SGSM2: variants seen among roughly 807,000 people sequenced by gnomAD.
SGSM2 encodes the protein small G protein signaling modulator 2, also known as RUN and TBC1 domain containing 1.
SGSM2 carries 89 observed loss-of-function variants against 126.6 expected under a neutral mutation model. That is an observed-to-expected ratio of 0.70 (90% CI 0.59 to 0.84). SGSM2 has a LOEUF of 0.84. Among genes scored for constraint, SGSM2 ranks in the 40% least tolerant of loss-of-function variants. The pLI is 0.00. For synonymous variants in SGSM2, 614 were observed against 574.3 expected, an observed-to-expected ratio of 1.07 and a Z score of -0.99; for missense variants, 1,404 against 1,416.6, an observed-to-expected ratio of 0.99 and a Z score of 0.14.
In SGSM2 at chr17:2,376,152, A is replaced by C. The variant is rs144011285; in HGVS notation, c.2500A>C (p.Thr834Pro). 3.2e-4 allele frequency: 521 copies of C among 1,614,068 alleles called. 1 individual carries two copies. The highest frequency in any genetic ancestry group is 6.9e-4 in the South Asian group (63 of 91,082). ...ACTCTTCCAGATAGAATTACTGGAC[A>C]CTGTGGCCTTAAACCTGCACCGCAT... ...AAAYTIELLD[T>P]VALNLHRIDK... is the part of the protein sequence containing the mutation. Residue 834 changes from threonine (T) to proline (P), a missense_variant, in exon 19 of 24, where the codon ACT (threonine) becomes CCT (proline). Physicochemically the swap from Thr to Pro is conservative, Grantham distance 38. Transcript: ENST00000268989.
Position 2,380,059 on chromosome 17 carries a change from G to A in SGSM2, c.*539G>A. 1.4e-6 allele frequency: 2 copies of A among 1,407,640 alleles called. No individual in the cohort carries two copies. Among genetic ancestry groups the A allele is most frequent in the East Asian group, 2.6e-5 (1 of 37,756 alleles). The allele number at this position is 1,407,640 out of a possible 1,614,324, so 87.2% of individuals were successfully genotyped here. ...GGGTGCGGGAGACCCGGGCACGGGA[G>A]ACCCGGGCCGCCTTCAGGCCGCTCC... On this transcript the variant is annotated 3_prime_UTR_variant, in exon 24 of 24. Coordinates refer to ENST00000268989, the MANE Select transcript of SGSM2 (RefSeq NM_014853.3).
chr17:2,367,320 CGAT>C lies in SGSM2; in HGVS notation c.1344_1346del (p.Asp448del), dbSNP rs773301336. 1.2e-6 allele frequency: 2 copies of C among 1,614,138 alleles called. No homozygotes were observed. Among genetic ancestry groups the C allele is most frequent in the African/African-American group, 2.7e-5 (2 of 75,058 alleles). ...CGGCCAGCCGCGCGGCCTCGGTGGACGATGATGAGGAAGAGGAGGATAAACTGC... is the reference window on the plus strand; with the variant it reads ...CGGCCAGCCGCGCGGCCTCGGTGGACGATGAGGAAGAGGAGGATAAACTGC... On this transcript the variant is annotated inframe_deletion, in exon 12 of 24. Transcript: ENST00000268989. This position sits in a 1 kb window ranked among gnomAD's most constrained non-coding sequence, Gnocchi z 4.0.
At chr17:2,338,787 A>ATAT (rs2064208698) in intron 1 of SGSM2, among the ~76,000 whole-genome samples, 1 of 147,742 alleles carries the variant, frequency 6.8e-6, no homozygotes, top group Non-Finnish European at 1.5e-5. Context: ...ATATATATAT[A>ATAT]TAACCTCACG....
Position 2,380,479 on chromosome 17 carries a change from G to C in SGSM2, c.*959G>C. 1 of 658,356 alleles carries C rather than the reference G, an allele frequency of 1.5e-6. No individual in the cohort carries two copies. Among genetic ancestry groups the C allele is most frequent in the Non-Finnish European group, 2.7e-6 (1 of 370,670 alleles). 40.8% of individuals were successfully genotyped at this position (658,356 alleles called of 1,614,324 possible). A position where few individuals can be genotyped will look rare whatever the true frequency, so the allele number is the denominator to read the frequency against. On this transcript the variant is annotated 3_prime_UTR_variant, in exon 24 of 24. Transcript: ENST00000268989. Reference sequence around the variant, plus strand: ...CCTGAGACTGCGGGAGGCAGGGGATGCATGGGTGTCCCCATCTGTCCCTGG... The same window carrying C: ...CCTGAGACTGCGGGAGGCAGGGGATCCATGGGTGTCCCCATCTGTCCCTGG...
rs542328781 is a variant in SGSM2, at chr17:2,349,209, G to A, written c.133+5589G>A. Among the ~76,000 whole-genome samples the A allele has an allele frequency of 2.0e-5, 3 of 152,042 alleles. No homozygotes were observed. In the South Asian group the frequency reaches 6.2e-4, roughly 32 times the overall value. On this transcript the variant is annotated intron_variant, in intron 2 of 23. Transcript: ENST00000268989. ...TGGCCAAAATGGCGAAGCCCCATCTGTACTAAAAATACAAAAATTAGCTGG... is the reference window on the plus strand; with the variant it reads ...TGGCCAAAATGGCGAAGCCCCATCTATACTAAAAATACAAAAATTAGCTGG...
chr17:2,350,073 C>T (rs1388653927), intron 2 of SGSM2, among the ~76,000 whole-genome samples: 1 of 151,982 alleles, frequency 6.6e-6, no homozygotes, highest in Non-Finnish European at 1.5e-5. Flanking sequence ...AGGCGTAAGC[C>T]ACCACGCCTG....
chr17:2,373,708 G>A (rs1567844689), intron 17 of SGSM2, 195 bp downstream of exon 17: 1 of 590,858 alleles, frequency 1.7e-6, no homozygotes, highest in Non-Finnish European at 3.0e-6. Flanking sequence ...GGGTATTGTA[G>A]GAATAAAGTG....
intron 1 of SGSM2, among the ~76,000 whole-genome samples, chr17:2,338,046 G>T (rs989713566): frequency 6.6e-6 from 1 of 152,124 alleles, no homozygotes; most frequent in African/African-American, 2.4e-5. Context: ...GCGATGGCGG[G>T]GATGGCTGGA....
At chr17:2,374,718 G>A (rs2066045654) in intron 17 of SGSM2, 1 of 152,250 alleles carries the variant, frequency 6.6e-6, no homozygotes, top group Admixed American at 6.5e-5. Flanking sequence ...CTGTGCCAGT[G>A]CCCAGCTGCT....
chr17:2,376,060 T>C (rs60647492), intron 18 of SGSM2, 77 bp from the exon 19 acceptor site: 98,725 of 1,599,660 alleles, frequency 0.062, 3,776 homozygotes, highest in South Asian at 0.12. Flanking sequence ...TTGCTGCATT[T>C]CTTGGGGCGT....
rs1014410502 is a variant in SGSM2, at chr17:2,370,176, C to T, written c.1424-1086C>T. 5.3e-5 allele frequency among the ~76,000 whole-genome samples: 8 copies of T among 152,258 alleles called. No individual in the cohort carries two copies. In the South Asian group the frequency reaches 1.7e-3, roughly 31 times the overall value. ...GAGCAAACTGCTGCTGACAGGACTC[C>T]CTCAGCACACACGGCTCTCCATCCC... On this transcript the variant is annotated intron_variant, in intron 12 of 23. Transcript: ENST00000268989.
rs118115101 is a variant in SGSM2 at position 2,377,973 on chromosome 17, A to G, written c.2899+20A>G. 7,405 of 1,494,922 alleles carry G rather than the reference A, an allele frequency of 5.0e-3. 250 individuals carry two copies. In the East Asian group the frequency reaches 0.059, roughly 12 times the overall value. The allele number at this position is 1,494,922 out of a possible 1,614,324, so 92.6% of individuals were successfully genotyped here. A position where few individuals can be genotyped will look rare whatever the true frequency, so the allele number is the denominator to read the frequency against. On this transcript the variant is annotated intron_variant, in intron 22 of 23. Transcript: ENST00000268989. The stretch of plus-strand genomic sequence containing the variant: ...AGAGAGGTAAGAAGTGGGTTGGATC[A>G]TGGGGCTGAGGTCAGGGACAGTGAG...
chr17:2,360,047 G>T (rs777588846), intron 2 of SGSM2, among the ~76,000 whole-genome samples: 5 of 152,150 alleles, frequency 3.3e-5, no homozygotes, highest in Non-Finnish European at 4.4e-5. Context: ...TTAAGCCAAA[G>T]ATTTCCCCAT....
intron 2 of SGSM2, among the ~76,000 whole-genome samples, chr17:2,346,608 G>T (rs2064606895): frequency 6.6e-6 from 1 of 152,098 alleles, no homozygotes; most frequent in African/African-American, 2.4e-5. Flanking sequence ...CCAGAAGCTG[G>T]ACATGCAGTA....
At chr17:2,376,523 C>A in intron 19 of SGSM2, 1 of 675,906 alleles carries the variant, frequency 1.5e-6, no homozygotes. Context: ...CCAAGCGTGA[C>A]GGCCTTGGCT....
chr17:2,360,108 C>T (rs1444568470), intron 2 of SGSM2, among the ~76,000 whole-genome samples: 5 of 152,110 alleles, frequency 3.3e-5, no homozygotes, highest in Non-Finnish European at 7.4e-5. Context: ...TTTGAGAGGC[C>T]GAGGCGGGCG....
Position 2,372,893 on chromosome 17 carries a change from AC to A in SGSM2, c.1789-57del. ...GCCCATTCTCCGTGGGATGGGGCTC[AC>A]CCAGCTGGGCCACGGTGACTGTGGA... On this transcript the variant is annotated intron_variant, in intron 15 of 23. Transcript: ENST00000268989. This position sits in a 1 kb window ranked among gnomAD's most constrained non-coding sequence, Gnocchi z 6.0. 1.3e-6 allele frequency: 2 copies of A among 1,537,210 alleles called. No homozygotes were observed. Among genetic ancestry groups the A allele is most frequent in the Non-Finnish European group, 1.8e-6 (2 of 1,138,896 alleles).
chr17:2,376,303 G>GCCGCGCACTCCCTC (rs151060445), intron 19 of SGSM2, 42 bp downstream of exon 19: 1 of 1,610,910 alleles, frequency 6.2e-7, no homozygotes, highest in South Asian at 1.1e-5. Flanking sequence ...GCGGGACCCT[G>GCCGCGCACTCCCTC]CCGCCAGTTA....
chr17:2,375,199 C>T (rs951362315), intron 17 of SGSM2: 5 of 316,994 alleles, frequency 1.6e-5, no homozygotes, highest in Non-Finnish European at 2.9e-5. Context: ...GGCCATTGAG[C>T]GTTCAGCCCC....
Sources: gnomAD v4.1 joint callset for allele counts (sites outside exome capture counted in the v4.1 genomes callset) on GRCh38, gnomAD v4.1.1 for gene constraint, Gnocchi (gnomAD v3.1) non-coding constraint, MANE v1.5 for transcripts, NCBI Gene and HGNC (gene_info 2026-07-23, HGNC 2026-07-21) for gene names.